ADA: variants seen among roughly 807,000 people sequenced by gnomAD.
The protein encoded by ADA is adenosine aminohydrolase.
In ADA, 45 loss-of-function variants were observed where a neutral mutation model predicts 49.0. The ratio of observed to expected loss-of-function variants is 0.92; its 90% confidence interval spans 0.72 to 1.18. The LOEUF (loss-of-function observed/expected upper bound fraction) is 1.18, where lower values mean the gene tolerates loss of function less well. Among genes scored for constraint, ADA ranks in the 50% most tolerant of loss-of-function variants. ADA has a pLI of 0.00. For synonymous variants in ADA, 173 were observed against 184.2 expected (o/e 0.94, Z 0.49); for missense variants, 445 against 472.5 (o/e 0.94, Z 0.54).
chr20:44,644,003 T>A (rs2065563937), intron 1 of ADA, among the ~76,000 whole-genome samples: 1 of 151,718 alleles, frequency 6.6e-6, no homozygotes, highest in African/African-American at 2.4e-5. Flanking sequence ...GACCCAGGTC[T>A]TGGACTCCTG....
At chr20:44,644,213 G>A (rs1279540348) in intron 1 of ADA, among the ~76,000 whole-genome samples, 1 of 151,654 alleles carries the variant, frequency 6.6e-6, no homozygotes, top group African/African-American at 2.4e-5. Context: ...CAAACACATC[G>A]CTCTGTTTTG....
intron 1 of ADA, among the ~76,000 whole-genome samples, chr20:44,644,235 CTTT>C (rs990021127): frequency 3.3e-5 from 5 of 151,950 alleles, no homozygotes; most frequent in Admixed American, 6.5e-5. Context: ...TTTCGTCTGA[CTTT>C]TTGGGTTCAT....
intron 2 of ADA, among the ~76,000 whole-genome samples, chr20:44,630,151 C>G (rs2065420555): frequency 6.6e-6 from 1 of 151,966 alleles, no homozygotes; most frequent in Non-Finnish European, 1.5e-5. Flanking sequence ...TTGAGACTAT[C>G]CTGGCCAACA....
intron 2 of ADA, among the ~76,000 whole-genome samples, chr20:44,631,646 A>G (rs433875): frequency 0.99 from 150,544 of 152,280 alleles, 74,425 homozygotes; most frequent in Non-Finnish European, 1. Flanking sequence ...CAGCCCCCAG[A>G]ACTCCACCTG....
intron 3 of ADA, among the ~76,000 whole-genome samples, chr20:44,628,073 G>C (rs1021659670): frequency 6.6e-6 from 1 of 152,226 alleles, no homozygotes; most frequent in African/African-American, 2.4e-5. Flanking sequence ...TTAGCTGGAA[G>C]TTCCCACCAT....
At chr20:44,633,393 G>A (rs1212146025) in intron 2 of ADA, among the ~76,000 whole-genome samples, 6 of 152,188 alleles carry the variant, frequency 3.9e-5, no homozygotes, top group Non-Finnish European at 5.9e-5. Context: ...CTGTTTCCTA[G>A]GTCTGGCATG....
At chr20:44,625,542 C>A in intron 5 of ADA, 27 bp downstream of exon 5, 1 of 1,554,814 alleles carries the variant, frequency 6.4e-7, no homozygotes, top group Non-Finnish European at 8.7e-7. Context: ...GACGGGCGGC[C>A]CTGGGCAGGG....
chr20:44,651,536 C>G, intron 1 of ADA, 39 bp downstream of exon 1: 1 of 1,524,838 alleles, frequency 6.6e-7, no homozygotes, highest in Non-Finnish European at 8.8e-7. Flanking sequence ...GCCGCCCAGG[C>G]GCCGGACCCC....
intron 1 of ADA, among the ~76,000 whole-genome samples, chr20:44,639,952 T>C (rs1392139598): frequency 1.3e-5 from 2 of 151,892 alleles, no homozygotes; most frequent in African/African-American, 4.8e-5. Flanking sequence ...AGGCTGAGCC[T>C]ACAGAACTGT....
intron 5 of ADA, 97 bp from the exon 6 acceptor site, chr20:44,624,426 G>T: frequency 6.4e-7 from 1 of 1,552,586 alleles, no homozygotes; most frequent in Non-Finnish European, 8.8e-7. Flanking sequence ...CCCATGGGAG[G>T]CCAGCACAAA....
At position 44,622,712 on chromosome 20, in the gene ADA, C is replaced by T. The variant is rs2065343642; in HGVS notation, c.781-60G>A. On this transcript the variant is annotated intron_variant, in intron 8 of 11. Transcript: ENST00000372874. The stretch of plus-strand genomic sequence containing the variant: ...CCCAGGCCATGCTGATTCCTCCCCC[C>T]ATGTCTGGGCCTGGGGCCACCCCTC... The T allele has an allele frequency of 3.1e-6, 5 of 1,613,378 alleles. No homozygotes were observed. The South Asian group carries it at 4.4e-5, about 14-fold the overall frequency.
chr20:44,633,169 T>A (rs1170902106), intron 2 of ADA, among the ~76,000 whole-genome samples: 1 of 152,152 alleles, frequency 6.6e-6, no homozygotes, highest in Non-Finnish European at 1.5e-5. Flanking sequence ...CCACCCCTAT[T>A]TACCACATCA....
At chr20:44,621,948 T>C (rs2065336082) in intron 9 of ADA, among the ~76,000 whole-genome samples, 1 of 152,168 alleles carries the variant, frequency 6.6e-6, no homozygotes, top group Admixed American at 6.5e-5. Context: ...CATCAGAACA[T>C]CAGAGCCGAA....
At chr20:44,621,525 C>T (rs1275825101) in intron 9 of ADA, among the ~76,000 whole-genome samples, 1 of 152,174 alleles carries the variant, frequency 6.6e-6, no homozygotes, top group African/African-American at 2.4e-5. Flanking sequence ...CTCAGTCCCA[C>T]TGGGAGCTGG....
chr20:44,622,520 C>A, intron 9 of ADA, 68 bp downstream of exon 9: 1 of 1,581,576 alleles, frequency 6.3e-7, no homozygotes, highest in Non-Finnish European at 8.7e-7. Flanking sequence ...ATGCCCAATC[C>A]CTAAAGTTTC....
At chr20:44,631,338 C>T (rs1356987434) in intron 2 of ADA, among the ~76,000 whole-genome samples, 4 of 152,076 alleles carry the variant, frequency 2.6e-5, no homozygotes, top group African/African-American at 4.8e-5. Flanking sequence ...TGCCCTGGTG[C>T]GGCATTGGCA....
chr20:44,639,125 G>A (rs746167569), intron 1 of ADA, among the ~76,000 whole-genome samples: 1 of 152,212 alleles, frequency 6.6e-6, no homozygotes, highest in Non-Finnish European at 1.5e-5. Flanking sequence ...CAGCTGGTTA[G>A]AGAAAGAGGA....
chr20:44,626,279 G>A (rs2065381418), intron 4 of ADA, 177 bp downstream of exon 4: 1 of 860,728 alleles, frequency 1.2e-6, no homozygotes, highest in Admixed American at 2.1e-5. Flanking sequence ...AAGGGAGGAT[G>A]GGAACCACGT....
intron 6 of ADA, among the ~76,000 whole-genome samples, chr20:44,623,751 CTTTT>C (rs34833873): frequency 7.5e-6 from 1 of 132,918 alleles, no homozygotes; most frequent in Admixed American, 7.6e-5. Flanking sequence ...TTCTTTCTTC[CTTTT>C]TTTTTTTTTT....
Sources: allele counts gnomAD v4.1 joint callset (sites outside exome capture counted in the v4.1 genomes callset), GRCh38; gene constraint gnomAD v4.1.1; transcripts MANE v1.5; gene names NCBI Gene and HGNC (gene_info 2026-07-23, HGNC 2026-07-21).